The following KDM7A variants were observed in gnomAD, a reference collection of about 807,000 sequenced individuals.
KDM7A encodes lysine demethylase 7A, also known as lysine-specific demethylase 7A.
A neutral mutation model predicts 114.8 loss-of-function variants in KDM7A; 28 were observed. The ratio of observed to expected loss-of-function variants is 0.24; its 90% CI spans 0.18 to 0.33. KDM7A has a LOEUF of 0.33. KDM7A is among the 10% of genes least tolerant of loss of function. The pLI is 1.00. For missense variants in KDM7A, 942 were observed against 1,142.5 expected, an observed-to-expected ratio of 0.82 and a Z score of 2.53; for synonymous variants, 423 against 397.8, an observed-to-expected ratio of 1.06 and a Z score of -0.75.
chr7:140,143,510 C>A (rs1054964433), intron 1 of KDM7A, among the ~76,000 whole-genome samples: 1 of 152,146 alleles, frequency 6.6e-6, no homozygotes, highest in Non-Finnish European at 1.5e-5. Context: ...ACACAATACA[C>A]AATTAAAATA....
Position 140,096,955 on chromosome 7 carries a change from C to T in KDM7A, c.2109G>A (p.Met703Ile), listed in dbSNP as rs202162304. The T allele has an allele frequency of 5.4e-4, 879 of 1,613,682 alleles. 10 individuals carry two copies. The South Asian group carries it at 7.9e-3, about 14-fold the overall frequency. The change falls in exon 16 of 20, where the codon ATG (methionine) becomes ATA (isoleucine). Residue 703 changes from methionine to isoleucine, a missense_variant. Met to Ile is a conservative substitution (Grantham distance 10, BLOSUM62 1). Transcript: ENST00000397560. ...TCTGGCTCTTTTGAAGGAAGTTCCT[C>T]ATCACATTAGATTCCTCCTTAAAGT... ...TSNFKEESNV[M>I]RNFLQKSQKP...
intron 5 of KDM7A, among the ~76,000 whole-genome samples, chr7:140,127,089 T>TTTTC (rs1818717562): frequency 6.6e-6 from 1 of 152,196 alleles, no homozygotes; most frequent in Admixed American, 6.5e-5. Flanking sequence ...CCTCTCTGAG[T>TTTTC]AGCTGGGATT....
chr7:140,122,668 C>T (rs1399494100), intron 7 of KDM7A, among the ~76,000 whole-genome samples: 1 of 152,232 alleles, frequency 6.6e-6, no homozygotes, highest in Non-Finnish European at 1.5e-5. Context: ...TCTGGACAGT[C>T]TATACTCTAC....
rs1303842804 is a variant in KDM7A at position 140,086,159 on chromosome 7, T to C, written c.*4935A>G. The C allele has an allele frequency of 1.3e-5, 2 of 152,224 alleles. No homozygotes were observed. The highest frequency in any genetic ancestry group is 1.3e-4 in the Admixed American group (2 of 15,282). 9.4% of individuals were successfully genotyped at this position (152,224 alleles called of 1,614,324 possible). ...AATTCAGAGTGTCACAGGTCTTGCATAGGTAAACTACTTGGAGATCAAGGG... is the reference window on the plus strand; with the variant it reads ...AATTCAGAGTGTCACAGGTCTTGCACAGGTAAACTACTTGGAGATCAAGGG... On this transcript the variant is annotated 3_prime_UTR_variant, in exon 20 of 20. Transcript: ENST00000397560.
At chr7:140,145,697 C>T (rs1029710843) in intron 1 of KDM7A, among the ~76,000 whole-genome samples, 2 of 152,130 alleles carry the variant, frequency 1.3e-5, no homozygotes, top group Non-Finnish European at 2.9e-5. Context: ...TAACAGATGC[C>T]AAGTTGGCAC....
rs1226233104 is a variant in KDM7A at position 140,090,994 on chromosome 7, T to TACACACAAAC, written c.*90_*99dup. 28 of 812,944 alleles carry TACACACAAAC rather than the reference T, an allele frequency of 3.4e-5. No homozygotes were observed. Among genetic ancestry groups the TACACACAAAC allele is most frequent in the Non-Finnish European group, 5.8e-5 (27 of 466,586 alleles). The allele number at this position is 812,944 out of a possible 1,614,324, so 50.4% of individuals were successfully genotyped here. ...TGTTCTTCGGGCAGTGTTCTTACTA[T>TACACACAAAC]ACACACAAACTGCTCCAGGCAGGGG... On this transcript the variant is annotated 3_prime_UTR_variant, in exon 20 of 20. Transcript: ENST00000397560.
intron 2 of KDM7A, 51 bp downstream of exon 2, chr7:140,139,054 A>G: frequency 8.4e-7 from 1 of 1,185,152 alleles, no homozygotes; most frequent in Non-Finnish European, 1.3e-6. Context: ...GTAAGTTTGA[A>G]ATGTCAGTTT....
intron 4 of KDM7A, 31 bp from the exon 5 acceptor site, chr7:140,127,614 G>T: frequency 6.3e-7 from 1 of 1,590,290 alleles, no homozygotes; most frequent in South Asian, 1.1e-5. Context: ...CTTATTATTG[G>T]ACTTAAGAGT....
At chr7:140,160,353 C>T (rs1252560845) in intron 1 of KDM7A, among the ~76,000 whole-genome samples, 1 of 152,138 alleles carries the variant, frequency 6.6e-6, no homozygotes, top group Non-Finnish European at 1.5e-5. Flanking sequence ...CCTAACGTTA[C>T]TTGAAGTCCT....
intron 2 of KDM7A, among the ~76,000 whole-genome samples, chr7:140,135,841 A>G (rs1818861292): frequency 6.6e-6 from 1 of 151,932 alleles, no homozygotes; most frequent in Non-Finnish European, 1.5e-5. Flanking sequence ...TACTTTCCTT[A>G]CTAGTATTAT....
At chr7:140,152,274 A>G (rs575720209) in intron 1 of KDM7A, among the ~76,000 whole-genome samples, 7 of 152,310 alleles carry the variant, frequency 4.6e-5, no homozygotes, top group South Asian at 2.1e-4. Context: ...AAATCTTGAC[A>G]TAACTGGTAA....
In KDM7A at chr7:140,089,555, A is replaced by G. The variant is rs1817987188; in HGVS notation, c.*1539T>C. The G allele has an allele frequency of 6.6e-6, 1 of 152,170 alleles. No homozygotes were observed. 9.4% of individuals were successfully genotyped at this position (152,170 alleles called of 1,614,324 possible). A position where few individuals can be genotyped will look rare whatever the true frequency, so the allele number is the denominator to read the frequency against. On this transcript the variant is annotated 3_prime_UTR_variant, in exon 20 of 20. Coordinates refer to ENST00000397560, the MANE Select transcript of KDM7A (RefSeq NM_030647.2). ...AAAAATAAATTTTATCTATTTGCCT[A>G]TATTTTCTTTGTAGGAATTTGTAAA...
chr7:140,121,997 A>G (rs962001115), intron 7 of KDM7A, among the ~76,000 whole-genome samples: 14 of 152,182 alleles, frequency 9.2e-5, no homozygotes, highest in Non-Finnish European at 8.8e-5. Flanking sequence ...GAATCAGCCA[A>G]TAACTTGTTA....
chr7:140,108,471 G>A (rs1446330597), intron 11 of KDM7A, among the ~76,000 whole-genome samples: 5 of 152,078 alleles, frequency 3.3e-5, no homozygotes, highest in African/African-American at 1.2e-4. Context: ...TGGTGTGGAT[G>A]TCCTTTCTGT....
At chr7:140,149,300 T>C (rs1018921108) in intron 1 of KDM7A, among the ~76,000 whole-genome samples, 2 of 152,348 alleles carry the variant, frequency 1.3e-5, no homozygotes, top group South Asian at 2.1e-4. Context: ...ATGATTTGTA[T>C]GGTGATACAT....
At chr7:140,107,010 C>CT (rs1478233119) in intron 11 of KDM7A, among the ~76,000 whole-genome samples, 1 of 152,182 alleles carries the variant, frequency 6.6e-6, no homozygotes, top group Non-Finnish European at 1.5e-5. Context: ...GAATTGATCC[C>CT]TTTAGCATTA....
At chr7:140,111,229 C>A in intron 10 of KDM7A, 45 bp from the exon 11 acceptor site, 1 of 1,286,590 alleles carries the variant, frequency 7.8e-7, no homozygotes, top group Non-Finnish European at 1.1e-6. Flanking sequence ...GTTATTTACA[C>A]TTTAATATGT....
chr7:140,117,776 C>T (rs1818555583), intron 9 of KDM7A, among the ~76,000 whole-genome samples: 1 of 152,184 alleles, frequency 6.6e-6, no homozygotes, highest in Admixed American at 6.5e-5. Flanking sequence ...GTGACATTCC[C>T]ACAGCCAAGA....
At chr7:140,100,709 CACATAT>C (rs1264738676) in intron 12 of KDM7A, among the ~76,000 whole-genome samples, 105 of 31,798 alleles carry the variant, frequency 3.3e-3, no homozygotes, top group African/African-American at 7.0e-3. Flanking sequence ...TATATATATA[CACATAT>C]ATATATATAT....
Sources: allele counts gnomAD v4.1 joint callset (sites outside exome capture counted in the v4.1 genomes callset), GRCh38; gene constraint gnomAD v4.1.1; transcripts MANE v1.5; gene names NCBI Gene and HGNC (gene_info 2026-07-23, HGNC 2026-07-21).